The following STK33 variants were observed in gnomAD, a reference collection of about 807,000 sequenced individuals.
STK33 encodes the protein serine/threonine-protein kinase 33.
A neutral mutation model predicts 58.0 loss-of-function variants in STK33; 52 were observed. The ratio of observed to expected loss-of-function variants is 0.90; its 90% CI spans 0.72 to 1.13. The LOEUF (loss-of-function observed/expected upper bound fraction) is 1.13. Among genes scored for constraint, STK33 ranks in the 50% most tolerant of loss-of-function variants. The pLI, the probability that STK33 is intolerant of heterozygous loss-of-function variation, is 0.00. For missense variants in STK33, 630 were observed against 604.2 expected, an observed-to-expected ratio of 1.04 and a Z score of -0.45; for synonymous variants, 215 against 200.1, an observed-to-expected ratio of 1.07 and a Z score of -0.63.
chr11:8,344,319 C>T, the STK33 span, among the ~76,000 whole-genome samples: 1 of 152,046 alleles, frequency 6.6e-6, no homozygotes, highest in Non-Finnish European at 1.5e-5. Flanking sequence ...GAGTTTGAGG[C>T]TGCAGTGAGC....
Position 8,392,579 on chromosome 11 carries a change from T to G in STK33, c.1476A>C (p.Pro492=). 6.2e-7 allele frequency: 1 copy of G among 1,614,242 alleles called. No homozygotes were observed. The highest frequency in any genetic ancestry group is 2.2e-5 in the East Asian group (1 of 44,888). ...KGEMEKTPVT[P]SQGTATKYPA... ...GGTACTTGGTTGCTGTTCCTTGGCT[T>G]GGAGTCACAGGGGTTTTCTCCATTT... Residue 492 remains proline, a synonymous_variant, in exon 16 of 16, where the codon CCA becomes CCC. Coordinates refer to ENST00000687296, the MANE Select transcript of STK33 (RefSeq NM_001352389.2).
chr11:8,447,979 C>G (rs778328976), intron 11 of STK33, among the ~76,000 whole-genome samples: 1 of 152,140 alleles, frequency 6.6e-6, no homozygotes, highest in Non-Finnish European at 1.5e-5. Context: ...CACAAGCATT[C>G]TTATACACCA....
chr11:8,376,776 G>A, the STK33 span, among the ~76,000 whole-genome samples: 12 of 152,008 alleles, frequency 7.9e-5, no homozygotes, highest in Admixed American at 4.6e-4. Flanking sequence ...TCCTAATCTC[G>A]TGATCCTCCC....
intron 1 of STK33, among the ~76,000 whole-genome samples, chr11:8,573,361 G>A (rs1957954506): frequency 6.6e-6 from 1 of 152,138 alleles, no homozygotes; most frequent in Non-Finnish European, 1.5e-5. Flanking sequence ...AGGCTTTGGG[G>A]AAATGTGAAT....
At chr11:8,573,645 C>G (rs1957977984) in intron 1 of STK33, among the ~76,000 whole-genome samples, 1 of 152,198 alleles carries the variant, frequency 6.6e-6, no homozygotes, top group Admixed American at 6.5e-5. Flanking sequence ...TTCATAGCAG[C>G]TTTATCAGTA....
chr11:8,582,867 T>C (rs564682042), intron 1 of STK33, among the ~76,000 whole-genome samples: 5 of 152,238 alleles, frequency 3.3e-5, no homozygotes, highest in African/African-American at 1.2e-4. Flanking sequence ...GGCCACAACA[T>C]AGCATCAGTA....
In STK33 at chr11:8,470,287, C is replaced by T. The variant is rs576864773; in HGVS notation, c.339+2876G>A. Among the ~76,000 whole-genome samples, 3 of 152,326 alleles carry T rather than the reference C, an allele frequency of 2.0e-5. No homozygotes were observed. The South Asian group carries it at 6.2e-4, about 32-fold the overall frequency. On this transcript the variant is annotated intron_variant, in intron 6 of 15. Transcript: ENST00000687296. ...TTTATGTTATAGAGACAGCTACTTT[C>T]TTTAAACCTCCTGAACCAATCTGTG...
At position 8,513,996 on chromosome 11, in the gene STK33, C is replaced by T. The variant is rs115146217; in HGVS notation, c.-465-33382G>A. Among the ~76,000 whole-genome samples, 1,063 of 152,220 alleles carry T rather than the reference C, an allele frequency of 7.0e-3. 13 individuals carry two copies. Among genetic ancestry groups the T allele is most frequent in the African/African-American group, 0.023 (968 of 41,524 alleles). Reference sequence around the variant, plus strand: ...ACGCTTTCCAGCTCTGGTAACCATCCTTCTACCCTCTATCTCCATGAGTTT... The same window carrying T: ...ACGCTTTCCAGCTCTGGTAACCATCTTTCTACCCTCTATCTCCATGAGTTT... On this transcript the variant is annotated intron_variant, in intron 1 of 15. Coordinates refer to ENST00000687296, the MANE Select transcript of STK33 (RefSeq NM_001352389.2).
rs540506141 is a variant in STK33, at chr11:8,566,714, A to G, written c.-466+27369T>C. 3.3e-5 allele frequency among the ~76,000 whole-genome samples: 5 copies of G among 152,334 alleles called. No homozygotes were observed. The South Asian group carries it at 1.0e-3, about 32-fold the overall frequency. On this transcript the variant is annotated intron_variant, in intron 1 of 15. Transcript: ENST00000687296. ...CTGCTACCCAAGTCTCTTCCACAGC[A>G]TACTTCTTTAATTTAGTAAATGAAA... is the stretch of plus-strand genomic sequence containing the variant.
intron 1 of STK33, among the ~76,000 whole-genome samples, chr11:8,518,480 T>G (rs1953037222): frequency 6.6e-6 from 1 of 152,140 alleles, no homozygotes; most frequent in Non-Finnish European, 1.5e-5. Flanking sequence ...AGGATCAAAT[T>G]CACACATAAC....
chr11:8,373,661 C>T, the STK33 span, among the ~76,000 whole-genome samples: 5 of 152,182 alleles, frequency 3.3e-5, no homozygotes, highest in Non-Finnish European at 7.3e-5. Flanking sequence ...GGCTCCACTG[C>T]CACCGTGATG....
At chr11:8,352,120 G>C in the STK33 span, among the ~76,000 whole-genome samples, 1 of 152,170 alleles carries the variant, frequency 6.6e-6, no homozygotes, top group Non-Finnish European at 1.5e-5. Context: ...CTGGTGGGTG[G>C]TGGCTGTGTG....
rs1191198474 is a variant in STK33, at chr11:8,552,091, CAA to C, written c.-466+41990_-466+41991del. 2.0e-5 allele frequency among the ~76,000 whole-genome samples: 3 copies of C among 152,224 alleles called. No individual in the cohort carries two copies. In the East Asian group the frequency reaches 5.8e-4, roughly 29 times the overall value. On this transcript the variant is annotated intron_variant, in intron 1 of 15. Coordinates refer to ENST00000687296, the MANE Select transcript of STK33 (RefSeq NM_001352389.2). Reference sequence around the variant, plus strand: ...GAGTGCATCTGGAGTAGGCTTCTCACAAAGATTCCAGACCAGTGGCAAAAATG... The same window carrying C: ...GAGTGCATCTGGAGTAGGCTTCTCACAGATTCCAGACCAGTGGCAAAAATG...
At chr11:8,572,620 C>T (rs918699788) in intron 1 of STK33, among the ~76,000 whole-genome samples, 8 of 151,842 alleles carry the variant, frequency 5.3e-5, no homozygotes, top group African/African-American at 1.7e-4. Flanking sequence ...GGTCTCACTG[C>T]GTTCCCCAGG....
chr11:8,515,580 C>G (rs2100066), intron 1 of STK33, among the ~76,000 whole-genome samples: 2 of 152,016 alleles, frequency 1.3e-5, no homozygotes, highest in Non-Finnish European at 2.9e-5. Context: ...TGTAAAAATT[C>G]TCAACAAAAC....
intron 1 of STK33, among the ~76,000 whole-genome samples, chr11:8,580,567 A>C (rs192848178): frequency 1.3e-5 from 2 of 152,282 alleles, no homozygotes; most frequent in Admixed American, 6.5e-5. Context: ...ATAGCACAAC[A>C]GGATGACTAT....
intron 11 of STK33, among the ~76,000 whole-genome samples, chr11:8,442,572 A>G (rs1034361781): frequency 6.6e-6 from 1 of 152,076 alleles, no homozygotes; most frequent in African/African-American, 2.4e-5. Flanking sequence ...TCTTGTTCTC[A>G]CTTGTTATCA....
At chr11:8,386,064 C>T in the STK33 span, among the ~76,000 whole-genome samples, 14 of 152,328 alleles carry the variant, frequency 9.2e-5, no homozygotes, top group East Asian at 7.7e-4. Context: ...TGAGCCACCG[C>T]GCCCGGCCAA....
Position 8,473,169 on chromosome 11 carries a change from A to G in STK33, c.333T>C (p.Ala111=), listed in dbSNP as rs761580606. 1 of 1,609,922 alleles carries G rather than the reference A, an allele frequency of 6.2e-7. No homozygotes were observed. Among genetic ancestry groups the G allele is most frequent in the South Asian group, 1.1e-5 (1 of 90,416 alleles). The change falls in exon 6 of 16, where the codon GCT becomes GCC. Residue 111 remains alanine, a synonymous_variant. Coordinates refer to ENST00000687296, the MANE Select transcript of STK33 (RefSeq NM_001352389.2). ...VPHIRIENGA[A]IEEIYTFGRI... ...TCATTTGCTTTCTATATACCTCAAT[A>G]GCAGCTCCATTCTCAATCCTTATGT...
Sources: allele counts gnomAD v4.1 joint callset (sites outside exome capture counted in the v4.1 genomes callset), GRCh38; gene constraint gnomAD v4.1.1; transcripts MANE v1.5; gene names NCBI Gene and HGNC (gene_info 2026-07-23, HGNC 2026-07-21).